The following NAALADL2 variants were observed in gnomAD, a reference collection of about 807,000 sequenced individuals.
The protein encoded by NAALADL2 is inactive N-acetylated-alpha-linked acidic dipeptidase-like protein 2.
In NAALADL2, 76 loss-of-function variants were observed where a neutral mutation model predicts 87.2. That is an observed-to-expected ratio of 0.87 (90% CI 0.72 to 1.05). The LOEUF (loss-of-function observed/expected upper bound fraction) is 1.05, where lower values mean the gene tolerates loss of function less well. NAALADL2 is among the 50% of genes least tolerant of loss of function. The probability of loss-of-function intolerance (pLI) is 0.00; values close to 1 mark genes in which losing one functional copy is unlikely to be tolerated. For missense variants in NAALADL2, 1,089 were observed against 945.8 expected (o/e 1.15, Z -1.99); for synonymous variants, 354 against 331.0 (o/e 1.07, Z -0.75).
chr3:174,928,923 G>A (rs1299296601), intron 1 of NAALADL2, among the ~76,000 whole-genome samples: 1 of 152,140 alleles, frequency 6.6e-6, no homozygotes, highest in Non-Finnish European at 1.5e-5. Context: ...AACTCTTAGA[G>A]TCACTTGCCC....
chr3:174,743,228 A>G (rs1733927246), intron 3 of NAALADL2, among the ~76,000 whole-genome samples: 1 of 151,758 alleles, frequency 6.6e-6, no homozygotes, highest in Non-Finnish European at 1.5e-5. Flanking sequence ...GGCTTCTTTC[A>G]GTAGACTAGC....
intron 1 of NAALADL2, among the ~76,000 whole-genome samples, chr3:174,940,190 ATATAGTT>A (rs1341571570): frequency 6.6e-6 from 1 of 152,114 alleles, no homozygotes; most frequent in East Asian, 1.9e-4. Flanking sequence ...TGTTCCTTCG[ATATAGTT>A]TATTGAGAGT....
intron 1 of NAALADL2, among the ~76,000 whole-genome samples, chr3:174,483,939 A>G (rs1217797302): frequency 1.3e-5 from 2 of 152,038 alleles, no homozygotes; most frequent in African/African-American, 4.8e-5. Context: ...AAAAACAATA[A>G]AGACATTTTT....
rs1319657205 is a variant in NAALADL2, at chr3:175,755,430, G to A, written c.2189+12G>A. On this transcript the variant is annotated intron_variant, in intron 13 of 13. Coordinates refer to ENST00000454872, the MANE Select transcript of NAALADL2 (RefSeq NM_207015.3). Reference sequence around the variant, plus strand: ...CCAGGTTTTTATAGGTAGGATGCATGTCTCAAAAATTATACTTTTTGCCCT... The same window carrying A: ...CCAGGTTTTTATAGGTAGGATGCATATCTCAAAAATTATACTTTTTGCCCT... 1.3e-6 allele frequency: 2 copies of A among 1,553,634 alleles called. No homozygotes were observed. Among genetic ancestry groups the A allele is most frequent in the Admixed American group, 1.9e-5 (1 of 51,672 alleles).
At chr3:174,544,365 A>G (rs1041542737) in intron 1 of NAALADL2, among the ~76,000 whole-genome samples, 1 of 152,120 alleles carries the variant, frequency 6.6e-6, no homozygotes, top group African/African-American at 2.4e-5. Flanking sequence ...GTGAATATTT[A>G]TAATAACTAT....
chr3:175,135,005 C>G (rs1268721313), intron 2 of NAALADL2, among the ~76,000 whole-genome samples: 1 of 152,052 alleles, frequency 6.6e-6, no homozygotes, highest in Non-Finnish European at 1.5e-5. Flanking sequence ...TAAGTTTTGC[C>G]CTTTTTTACT....
intron 10 of NAALADL2, among the ~76,000 whole-genome samples, chr3:175,626,482 C>T (rs969185731): frequency 2.0e-5 from 3 of 151,718 alleles, no homozygotes; most frequent in Admixed American, 6.6e-5. Context: ...TCTCACTTCT[C>T]CTCATATTTA....
chr3:174,526,493 C>T (rs1720757310), intron 1 of NAALADL2, among the ~76,000 whole-genome samples: 1 of 152,090 alleles, frequency 6.6e-6, no homozygotes, highest in African/African-American at 2.4e-5. Context: ...TAACACTTTA[C>T]ATATTGCCTG....
rs146300049 is a variant in NAALADL2 at position 175,222,509 on chromosome 3, G to T, written c.546-11422G>T. Among the ~76,000 whole-genome samples, 713 of 152,246 alleles carry T rather than the reference G, an allele frequency of 4.7e-3. 8 individuals are homozygous for T. Among genetic ancestry groups the T allele is most frequent in the African/African-American group, 0.016 (677 of 41,550 alleles). ...TTTTCAGACTTGATCCTGACAGCTT[G>T]CTCTGCCAACCTTCATTAATTGGCA... On this transcript the variant is annotated intron_variant, in intron 2 of 13. Coordinates refer to ENST00000454872, the MANE Select transcript of NAALADL2 (RefSeq NM_207015.3).
intron 9 of NAALADL2, among the ~76,000 whole-genome samples, chr3:175,522,313 T>C (rs1169144600): frequency 6.6e-6 from 1 of 152,220 alleles, no homozygotes; most frequent in African/African-American, 2.4e-5. Context: ...ATTCGTTGAA[T>C]GCTCCTAATA....
intron 5 of NAALADL2, among the ~76,000 whole-genome samples, chr3:175,396,133 G>A (rs796613691): frequency 2.0e-5 from 3 of 152,212 alleles, no homozygotes; most frequent in African/African-American, 7.2e-5. Flanking sequence ...ATATCTTTCA[G>A]TCCATGACCG....
rs146933683 is a variant in NAALADL2 at position 175,373,902 on chromosome 3, A to G, written c.1090+49577A>G. ...TAGTTTTAATTTTCATTTCTCTGAT[A>G]ACAAATGATTTTGAGCATGTTTTTT... On this transcript the variant is annotated intron_variant, in intron 5 of 13. Coordinates refer to ENST00000454872, the MANE Select transcript of NAALADL2 (RefSeq NM_207015.3). Among the ~76,000 whole-genome samples, 733 of 152,296 alleles carry G rather than the reference A, an allele frequency of 4.8e-3. 13 individuals are homozygous for G. Among genetic ancestry groups the G allele is most frequent in the Admixed American group, 0.037 (562 of 15,284 alleles).
chr3:175,379,348 A>T (rs1767520149), intron 5 of NAALADL2, among the ~76,000 whole-genome samples: 1 of 152,012 alleles, frequency 6.6e-6, no homozygotes, highest in South Asian at 2.1e-4. Flanking sequence ...TCTGACCCAA[A>T]CTACAAACTA....
chr3:175,722,899 A>G (rs546157474), intron 11 of NAALADL2, among the ~76,000 whole-genome samples: 119 of 152,286 alleles, frequency 7.8e-4, no homozygotes, highest in African/African-American at 2.5e-3. Flanking sequence ...TTCCTTGAAA[A>G]GAGTGAACAG....
intron 1 of NAALADL2, among the ~76,000 whole-genome samples, chr3:175,016,259 T>TTATATATATATA (rs368712908): frequency 8.4e-6 from 1 of 118,994 alleles, no homozygotes; most frequent in African/African-American, 3.5e-5. Context: ...GATAAATTAT[T>TTATATATATATA]TATATATATA....
chr3:175,794,417 T>G (rs377333680), intron 13 of NAALADL2, among the ~76,000 whole-genome samples: 3 of 152,340 alleles, frequency 2.0e-5, no homozygotes, highest in East Asian at 1.9e-4. Context: ...TATCACTGTC[T>G]TCTCCAAATT....
chr3:175,794,333 A>G (rs1753189287), intron 13 of NAALADL2, among the ~76,000 whole-genome samples: 1 of 152,068 alleles, frequency 6.6e-6, no homozygotes, highest in African/African-American at 2.4e-5. Context: ...ATGAAAGAAA[A>G]TGGTCGCGAT....
chr3:175,596,341 A>G (rs992624552), intron 10 of NAALADL2, among the ~76,000 whole-genome samples: 3 of 151,958 alleles, frequency 2.0e-5, no homozygotes, highest in Admixed American at 2.0e-4. Flanking sequence ...AGATTTAATC[A>G]TGATCATTAT....
intron 9 of NAALADL2, among the ~76,000 whole-genome samples, chr3:175,566,594 A>G (rs562480819): frequency 1.9e-4 from 17 of 90,990 alleles, no homozygotes; most frequent in African/African-American, 5.9e-4. Flanking sequence ...TTTCTTCAGT[A>G]TGAGGCGCCA....
Sources: gnomAD v4.1 joint callset for allele counts (sites outside exome capture counted in the v4.1 genomes callset) on GRCh38, gnomAD v4.1.1 for gene constraint, MANE v1.5 for transcripts, NCBI Gene and HGNC (gene_info 2026-07-23, HGNC 2026-07-21) for gene names.